Variants in TMEM26 observed in about 807,000 individuals in gnomAD.
TMEM26 encodes transmembrane protein 26.
Under a neutral mutation model 28.8 loss-of-function variants are expected in TMEM26, and 38 were observed. The ratio of observed to expected loss-of-function variants is 1.32; its 90% CI spans 1.02 to 1.73. TMEM26 has a LOEUF of 1.73. Ranked by LOEUF, TMEM26 falls within the 40% of genes most tolerant of loss-of-function variation. The pLI, the probability that TMEM26 is intolerant of heterozygous loss-of-function variation, is 0.00. For missense variants in TMEM26, 518 were observed against 447.1 expected, an observed-to-expected ratio of 1.16 and a Z score of -1.43; for synonymous variants, 227 against 182.9, an observed-to-expected ratio of 1.24 and a Z score of -1.95.
chr10:61,436,147 T>A, intron 2 of TMEM26, 23 bp downstream of exon 2: 1 of 1,492,210 alleles, frequency 6.7e-7, no homozygotes, highest in Non-Finnish European at 9.3e-7. Context: ...ATAGGTCAAT[T>A]CCTACTTTCC....
rs1839513869 is a variant in TMEM26 at position 61,407,735 on chromosome 10, A to G, written c.*2587T>C. 1 of 152,198 alleles carries G rather than the reference A, an allele frequency of 6.6e-6. No homozygotes were observed. The highest frequency in any genetic ancestry group is 1.5e-5 in the Non-Finnish European group (1 of 68,038). 9.4% of individuals were successfully genotyped at this position (152,198 alleles called of 1,614,324 possible). On this transcript the variant is annotated 3_prime_UTR_variant, in exon 6 of 6. Coordinates refer to ENST00000399298, the MANE Select transcript of TMEM26 (RefSeq NM_178505.8). The stretch of plus-strand genomic sequence containing the variant: ...AATACCAACAGCACCAACAACCTCA[A>G]ATAAGCCACTTTCTTCAGGGGTTGG...
chr10:61,421,672 A>G (rs147027373), intron 4 of TMEM26, among the ~76,000 whole-genome samples: 90 of 152,248 alleles, frequency 5.9e-4, no homozygotes, highest in African/African-American at 2.1e-3. Context: ...GTTGCTAGCC[A>G]CCACCAGAAA....
At chr10:61,425,278 C>T (rs1839812089) in intron 4 of TMEM26, among the ~76,000 whole-genome samples, 1 of 152,138 alleles carries the variant, frequency 6.6e-6, no homozygotes, top group East Asian at 1.9e-4. Context: ...AGCTTCCTCC[C>T]ATGACACCTG....
intron 4 of TMEM26, among the ~76,000 whole-genome samples, chr10:61,415,524 A>T (rs1783429636): frequency 6.6e-6 from 1 of 152,056 alleles, no homozygotes; most frequent in South Asian, 2.1e-4. Flanking sequence ...TAATTCTCAC[A>T]CCAGCTCAAC....
chr10:61,406,735 T>C lies in TMEM26; in HGVS notation c.*3587A>G, dbSNP rs973944868. ...AATATAAATACTGCAGAGAAAATAT[T>C]CTTATATGGTATTCTAGTAAGAAAG... On this transcript the variant is annotated 3_prime_UTR_variant, in exon 6 of 6. Transcript: ENST00000399298. The C allele has an allele frequency of 1.3e-5, 2 of 152,062 alleles. No individual in the cohort carries two copies. Among genetic ancestry groups the C allele is most frequent in the African/African-American group, 4.8e-5 (2 of 41,414 alleles). 9.4% of individuals were successfully genotyped at this position (152,062 alleles called of 1,614,324 possible). A position where few individuals can be genotyped will look rare whatever the true frequency, so the allele number is the denominator to read the frequency against.
At chr10:61,448,896 C>T (rs1239222976) in intron 1 of TMEM26, among the ~76,000 whole-genome samples, 1 of 152,138 alleles carries the variant, frequency 6.6e-6, no homozygotes, top group Non-Finnish European at 1.5e-5. Flanking sequence ...CAGATAATGC[C>T]TGCTTTCGAG....
chr10:61,435,885 T>G (rs915796055), intron 2 of TMEM26, among the ~76,000 whole-genome samples: 8 of 152,162 alleles, frequency 5.3e-5, no homozygotes, highest in African/African-American at 1.7e-4. Flanking sequence ...AACTCTACCA[T>G]CCTGTAGGGT....
At chr10:61,440,099 G>T (rs1840067747) in intron 1 of TMEM26, among the ~76,000 whole-genome samples, 1 of 152,026 alleles carries the variant, frequency 6.6e-6, no homozygotes, top group African/African-American at 2.4e-5. Flanking sequence ...AATTAGTCGG[G>T]CATGGTGGCT....
At chr10:61,414,489 C>G (rs1365643712) in intron 4 of TMEM26, 3 of 151,918 alleles carry the variant, frequency 2.0e-5, no homozygotes, top group Non-Finnish European at 4.4e-5. Flanking sequence ...AGTGTAGAGG[C>G]ATTAAATACA....
chr10:61,410,774 A>G lies in TMEM26; in HGVS notation c.683-28T>C, dbSNP rs551601264. The G allele has an allele frequency of 3.7e-6, 6 of 1,604,980 alleles. No homozygotes were observed. The East Asian group carries it at 6.7e-5, about 18-fold the overall frequency. On this transcript the variant is annotated intron_variant, in intron 5 of 5. Transcript: ENST00000399298. ...GAAAACACAAGACAGACTAGTTACT[A>G]TCTCTCTTGGAAGTGTAGACATATA...
chr10:61,412,433 A>T, intron 5 of TMEM26, among the ~76,000 whole-genome samples: 1 of 152,198 alleles, frequency 6.6e-6, no homozygotes, highest in East Asian at 1.9e-4. Flanking sequence ...GAACCAAAAA[A>T]GATGGAGAAA....
At chr10:61,449,533 A>G (rs1840242055) in intron 1 of TMEM26, among the ~76,000 whole-genome samples, 2 of 152,188 alleles carry the variant, frequency 1.3e-5, no homozygotes, top group Admixed American at 1.3e-4. Context: ...ATTTTCCTCT[A>G]TAGCTCTATT....
chr10:61,444,762 C>A (rs554704759), intron 1 of TMEM26, among the ~76,000 whole-genome samples: 7 of 150,862 alleles, frequency 4.6e-5, no homozygotes, highest in African/African-American at 1.7e-4. Context: ...CAAAACATAA[C>A]AAATAAGTTG....
Position 61,410,550 on chromosome 10 carries a change from G to A in TMEM26, c.879C>T (p.Asn293=). ...AGAGTTGCAACACCACCACGAGGAA[G>A]TTCTTCGCGGCAAAGAACACCAGCA... The part of the protein sequence containing the change: ...NQMLVFFAAK[N]FLVVVLQLYR... Residue 293 remains asparagine (N), a synonymous_variant, in exon 6 of 6, where the codon AAC becomes AAT. Transcript: ENST00000399298. The A allele has an allele frequency of 6.2e-7, 1 of 1,614,132 alleles. No homozygotes were observed. Among genetic ancestry groups the A allele is most frequent in the South Asian group, 1.1e-5 (1 of 91,074 alleles).
chr10:61,411,646 C>A (rs1839571369), intron 5 of TMEM26, among the ~76,000 whole-genome samples: 1 of 152,144 alleles, frequency 6.6e-6, no homozygotes, highest in Non-Finnish European at 1.5e-5. Context: ...TCACAGTTTA[C>A]AATAATGACT....
intron 4 of TMEM26, among the ~76,000 whole-genome samples, chr10:61,421,773 GAGA>G (rs1589029872): frequency 1.3e-5 from 2 of 152,240 alleles, no homozygotes; most frequent in Admixed American, 6.5e-5. Context: ...GGAACTGTGA[GAGA>G]AGAAGTTTCT....
At chr10:61,440,202 C>T (rs532481762) in intron 1 of TMEM26, among the ~76,000 whole-genome samples, 2 of 151,896 alleles carry the variant, frequency 1.3e-5, no homozygotes, top group South Asian at 2.1e-4. Flanking sequence ...ATCATATCAC[C>T]GCACTCCAAC....
intron 4 of TMEM26, among the ~76,000 whole-genome samples, chr10:61,424,867 A>C (rs1021273544): frequency 2.0e-4 from 31 of 152,202 alleles, no homozygotes; most frequent in African/African-American, 7.2e-4. Context: ...TCCCAGCTGG[A>C]ATGGGGCAGT....
intron 3 of TMEM26, among the ~76,000 whole-genome samples, chr10:61,429,504 A>G (rs1839887459): frequency 6.6e-6 from 1 of 151,962 alleles, no homozygotes; most frequent in Non-Finnish European, 1.5e-5. Flanking sequence ...TAAAATCCAT[A>G]TTAATATCAC....
Sources: gnomAD v4.1 joint callset for allele counts (sites outside exome capture counted in the v4.1 genomes callset) on GRCh38, gnomAD v4.1.1 for gene constraint, MANE v1.5 for transcripts, NCBI Gene and HGNC (gene_info 2026-07-23, HGNC 2026-07-21) for gene names.